The following SRCAP variants were observed in gnomAD, a reference collection of about 807,000 sequenced individuals.
The protein encoded by SRCAP is chromatin remodeling protein SRCAP.
A neutral mutation model predicts 263.1 loss-of-function variants in SRCAP; 46 were observed. The observed-to-expected ratio is 0.17, with a 90% CI of 0.14 to 0.22. The LOEUF (loss-of-function observed/expected upper bound fraction) is 0.22, where lower values mean the gene tolerates loss of function less well. Among genes scored for constraint, SRCAP ranks in the 10% least tolerant of loss-of-function variants. SRCAP has a pLI of 1.00. For missense variants in SRCAP, 3,695 were observed against 4,181.9 expected (o/e 0.88, Z 3.21); for synonymous variants, 1,813 against 1,662.1 (o/e 1.09, Z -2.21).
chr16:30,733,196 C>T lies in SRCAP; in HGVS notation c.6128-84C>T, dbSNP rs1163177264. On this transcript the variant is annotated intron_variant, in intron 27 of 33. Transcript: ENST00000262518. The surrounding 1 kb of genome is among the most constrained non-coding windows in gnomAD (Gnocchi z 5.3). ...AACTTTGGCTTAAAGCATTGATTAT[C>T]TTTCAACCCCAGCCTTGCATTGCTA... 2.7e-6 allele frequency: 4 copies of T among 1,480,924 alleles called. No individual in the cohort carries two copies. The East Asian group carries it at 9.1e-5, about 34-fold the overall frequency. The allele number at this position is 1,480,924 out of a possible 1,614,324, so 91.7% of individuals were successfully genotyped here. A position where few individuals can be genotyped will look rare whatever the true frequency, so the allele number is the denominator to read the frequency against.
chr16:30,704,466 G>C (rs2052804088), intron 4 of SRCAP, 151 bp downstream of exon 4: 1 of 888,462 alleles, frequency 1.1e-6, no homozygotes, highest in Non-Finnish European at 1.7e-6. Context: ...CAAACTGCTT[G>C]AATATTGAGT....
At chr16:30,705,252 A>G (rs1320608478) in intron 4 of SRCAP, among the ~76,000 whole-genome samples, 1 of 152,116 alleles carries the variant, frequency 6.6e-6, no homozygotes, top group Admixed American at 6.6e-5. Context: ...GTGACCTGAG[A>G]TGATGCCACT....
At chr16:30,721,068 G>T in intron 20 of SRCAP, 90 bp downstream of exon 20, 1 of 1,541,184 alleles carries the variant, frequency 6.5e-7, no homozygotes, top group African/African-American at 1.4e-5. Flanking sequence ...AGGGTTTGAG[G>T]AGCTGGGCTG....
At position 30,710,000 on chromosome 16, in the gene SRCAP, C is replaced by G; in HGVS notation, c.1006C>G (p.Leu336Val). The change falls in exon 8 of 34, where the codon CTC (leucine) becomes GTC (valine). Residue 336 changes from leucine to valine, a missense_variant. Leu to Val is a conservative substitution (Grantham distance 32). This residue lies in a region of SRCAP where 30 missense variants were observed against 54.1 expected (regional missense o/e 0.55). Transcript: ENST00000262518. ...GGGAGAATTGCCACTGGAAGAGCTG[C>G]TCCGTTCCCTTCCCCCTCAGCTGTT... is the stretch of plus-strand genomic sequence containing the variant. ...REGELPLEELLRSLPPQLLEG... is the reference protein window; with the variant it reads ...REGELPLEELVRSLPPQLLEG... 1 of 1,614,218 alleles carries G rather than the reference C, an allele frequency of 6.2e-7. No individual in the cohort carries two copies. Among genetic ancestry groups the G allele is most frequent in the Non-Finnish European group, 8.5e-7 (1 of 1,180,044 alleles).
At chr16:30,703,151 A>C (rs572544078) in intron 3 of SRCAP, among the ~76,000 whole-genome samples, 1 of 147,084 alleles carries the variant, frequency 6.8e-6, no homozygotes, top group East Asian at 2.0e-4. Context: ...ATCATATGCT[A>C]TATATATATA....
Position 30,741,363 on chromosome 16 carries a change from A to G in SRCAP, c.*1630A>G, listed in dbSNP as rs896673738. 1 of 163,544 alleles carries G rather than the reference A, an allele frequency of 6.1e-6. No homozygotes were observed. The highest frequency in any genetic ancestry group is 1.3e-5 in the Non-Finnish European group (1 of 75,568). The allele number at this position is 163,544 out of a possible 1,614,324, so 10.1% of individuals were successfully genotyped here. On this transcript the variant is annotated 3_prime_UTR_variant, in exon 34 of 34. Transcript: ENST00000262518. ...GGCAGCCTCTTGGGAATTTGGGGGA[A>G]TTGTAGAGTCCTTTGAAATACAGAT...
rs1476201281 is a variant in SRCAP, at chr16:30,710,525, T to G, written c.1135-229T>G. The G allele has an allele frequency of 5.3e-6, 4 of 755,450 alleles. No individual in the cohort carries two copies. The East Asian group carries it at 7.5e-5, about 14-fold the overall frequency. The allele number at this position is 755,450 out of a possible 1,614,324, so 46.8% of individuals were successfully genotyped here. A position where few individuals can be genotyped will look rare whatever the true frequency, so the allele number is the denominator to read the frequency against. ...AGTGCATGGGGAAGTGTTGGGTGCC[T>G]TTATTTGTTACCTGGCACTTTCACA... On this transcript the variant is annotated intron_variant, in intron 8 of 33. Coordinates refer to ENST00000262518, the MANE Select transcript of SRCAP (RefSeq NM_006662.3).
chr16:30,738,022 A>T lies in SRCAP; in HGVS notation c.7982A>T (p.Asp2661Val), dbSNP rs1311877687. 1.9e-6 allele frequency: 3 copies of T among 1,614,108 alleles called. No individual in the cohort carries two copies. In the Admixed American group the frequency reaches 5.0e-5, roughly 27 times the overall value. ...GLELPPSAAS[D>V]EPLQEPLEAD... ...GAGCTCCCACCCTCAGCAGCATCTG[A>T]TGAGCCACTTCAGGAGCCACTGGAG... Residue 2661 changes from aspartate to valine, a missense_variant, in exon 34 of 34, where the codon GAT becomes GTT. Around this residue, in one of 12 missense-constraint regions of SRCAP, gnomAD observed 1,207 missense variants for 1,142.9 expected, o/e 1.06. Transcript: ENST00000262518.
At chr16:30,726,609 C>CT (rs1319179290) in intron 25 of SRCAP, among the ~76,000 whole-genome samples, 1 of 150,326 alleles carries the variant, frequency 6.7e-6, no homozygotes, top group East Asian at 1.9e-4. Context: ...CAACCTCTGT[C>CT]TCCTGGGTTT....
Position 30,716,612 on chromosome 16 carries a change from C to G in SRCAP, c.2817+133C>G, listed in dbSNP as rs527687025. ...CTATCATTCCCTTAGTTTTATTGTACTCTAGCCATGTGACTTAACGATGGT... is the reference window on the plus strand; with the variant it reads ...CTATCATTCCCTTAGTTTTATTGTAGTCTAGCCATGTGACTTAACGATGGT... On this transcript the variant is annotated intron_variant, in intron 18 of 33. Coordinates refer to ENST00000262518, the MANE Select transcript of SRCAP (RefSeq NM_006662.3). 2.2e-4 allele frequency: 180 copies of G among 805,466 alleles called. 1 individual carries two copies. The highest frequency in any genetic ancestry group is 6.6e-4 in the Admixed American group (25 of 37,728). The allele number at this position is 805,466 out of a possible 1,614,324, so 49.9% of individuals were successfully genotyped here. A position where few individuals can be genotyped will look rare whatever the true frequency, so the allele number is the denominator to read the frequency against.
intron 3 of SRCAP, among the ~76,000 whole-genome samples, chr16:30,703,684 C>T (rs1270145399): frequency 8.6e-5 from 13 of 151,636 alleles, no homozygotes; most frequent in African/African-American, 3.1e-4. Flanking sequence ...ATCATGAGGT[C>T]AGGAGATCGA....
At position 30,736,067 on chromosome 16, in the gene SRCAP, C is replaced by T. The variant is rs1341239456; in HGVS notation, c.6730-133C>T. Reference sequence around the variant, plus strand: ...GAGTTGTTGTGGTAACTCTGGAGGCCTAGGAGGTTGTTGAGTTCTGTTGCA... The same window carrying T: ...GAGTTGTTGTGGTAACTCTGGAGGCTTAGGAGGTTGTTGAGTTCTGTTGCA... On this transcript the variant is annotated intron_variant, in intron 31 of 33. Transcript: ENST00000262518. The T allele has an allele frequency of 9.0e-6, 9 of 995,190 alleles. No individual in the cohort carries two copies. In the East Asian group the frequency reaches 2.1e-4, roughly 23 times the overall value. 61.6% of individuals were successfully genotyped at this position (995,190 alleles called of 1,614,324 possible). A position where few individuals can be genotyped will look rare whatever the true frequency, so the allele number is the denominator to read the frequency against.
rs2053221948 is a variant in SRCAP at position 30,741,253 on chromosome 16, A to G, written c.*1520A>G. The stretch of plus-strand genomic sequence containing the variant: ...TTCCTTACCTTTCTCCATTCCCATA[A>G]CTGTTTTCATGTAAAATGGCTGCTT... On this transcript the variant is annotated 3_prime_UTR_variant, in exon 34 of 34. Coordinates refer to ENST00000262518, the MANE Select transcript of SRCAP (RefSeq NM_006662.3). 1 of 152,414 alleles carries G rather than the reference A, an allele frequency of 6.6e-6. No individual in the cohort carries two copies. The highest frequency in any genetic ancestry group is 1.5e-5 in the Non-Finnish European group (1 of 68,260). The allele number at this position is 152,414 out of a possible 1,614,324, so 9.4% of individuals were successfully genotyped here.
rs779488500 is a variant in SRCAP, at chr16:30,700,798, T to C, written c.-27T>C. 3 of 1,611,322 alleles carry C rather than the reference T, an allele frequency of 1.9e-6. No homozygotes were observed. The Admixed American group carries it at 5.0e-5, about 27-fold the overall frequency. ...TAACAACCCAGTCATTCTTCAGGCATCCAAGGGGGAGCCTGGGAGTGGGAC... is the reference window on the plus strand; with the variant it reads ...TAACAACCCAGTCATTCTTCAGGCACCCAAGGGGGAGCCTGGGAGTGGGAC... On this transcript the variant is annotated 5_prime_UTR_variant, in exon 3 of 34. Transcript: ENST00000262518.
rs571142992 is a variant in SRCAP, at chr16:30,726,583, C to G, written c.5658+1501C>G. Among the ~76,000 whole-genome samples the G allele has an allele frequency of 2.6e-5, 4 of 151,692 alleles. No homozygotes were observed. The East Asian group carries it at 7.7e-4, about 29-fold the overall frequency. ...TTACCCAGGCTGGAGTGCTTTGGCA[C>G]GGTCTTGGCTCACTGCAACCTCTGT... On this transcript the variant is annotated intron_variant, in intron 25 of 33. Coordinates refer to ENST00000262518, the MANE Select transcript of SRCAP (RefSeq NM_006662.3).
At chr16:30,723,495 G>T (rs2053031428) in intron 24 of SRCAP, 89 bp from the exon 25 acceptor site, 6 of 1,515,934 alleles carry the variant, frequency 4.0e-6, no homozygotes, top group Non-Finnish European at 5.3e-6. Context: ...CTGGGAAATG[G>T]GAAGCTTGGG....
Position 30,738,337 on chromosome 16 carries a change from G to T in SRCAP, c.8297G>T (p.Arg2766Leu), listed in dbSNP as rs1223875160. Residue 2766 changes from arginine to leucine, a missense_variant, in exon 34 of 34, where the codon CGG becomes CTG. Arg to Leu is a moderately radical substitution (Grantham distance 102). This residue lies in a region of SRCAP where 1,207 missense variants were observed against 1,142.9 expected (regional missense o/e 1.06). Transcript: ENST00000262518. ...GTAGAGGAAAAGGAACTGGTGCGGC[G>T]GCGGCGGCAGCAGCGGGGAGCTGCC... ...TVVEEKELVR[R>L]RRQQRGAAST... The T allele has an allele frequency of 3.2e-6, 5 of 1,575,778 alleles. No homozygotes were observed. Among genetic ancestry groups the T allele is most frequent in the African/African-American group, 1.4e-5 (1 of 73,676 alleles).
rs2052894512 is a variant in SRCAP, at chr16:30,711,721, A to G, written c.1469A>G (p.Gln490Arg). The G allele has an allele frequency of 2.5e-6, 4 of 1,613,302 alleles. No individual in the cohort carries two copies. The highest frequency in any genetic ancestry group is 2.7e-5 in the African/African-American group (2 of 74,852). ...EGPVEAEEPP[Q>R]EDSSSQSDSV... ...CCCGTGGAAGCGGAAGAGCCTCCTC[A>G]GGAGGATAGTAGCAGTCAGTCAGGT... Residue 490 changes from glutamine to arginine, a missense_variant, in exon 11 of 34, where the codon CAG becomes CGG. This residue lies in a region of SRCAP where 288 missense variants were observed against 302.4 expected (regional missense o/e 0.95). Transcript: ENST00000262518.
chr16:30,706,391 C>A (rs1384129543), intron 4 of SRCAP, among the ~76,000 whole-genome samples: 1 of 152,080 alleles, frequency 6.6e-6, no homozygotes, highest in Non-Finnish European at 1.5e-5. Context: ...GGGAAGATAA[C>A]CTGAGCCTAG....
Sources: gnomAD v4.1 joint callset for allele counts (sites outside exome capture counted in the v4.1 genomes callset) on GRCh38, gnomAD v4.1.1 for gene constraint, gnomAD v4.1.1 regional missense constraint, Gnocchi (gnomAD v3.1) non-coding constraint, MANE v1.5 for transcripts, NCBI Gene and HGNC (gene_info 2026-07-23, HGNC 2026-07-21) for gene names.